The following GRID2 variants were observed in gnomAD, a reference collection of about 807,000 sequenced individuals.
GRID2 encodes glutamate ionotropic receptor delta type subunit 2.
In GRID2, 33 loss-of-function variants were observed where a neutral mutation model predicts 114.8. That is an observed-to-expected ratio of 0.29 (90% CI 0.22 to 0.38). GRID2 has a LOEUF of 0.38. Among genes scored for constraint, GRID2 ranks in the 10% least tolerant of loss-of-function variants. The pLI is 1.00. For synonymous variants in GRID2, 505 were observed against 449.9 expected (o/e 1.12, Z -1.55); for missense variants, 1,184 against 1,257.7 (o/e 0.94, Z 0.89).
In GRID2 at chr4:92,981,804, A is replaced by T. The variant is rs529774194; in HGVS notation, c.245-103191A>T. On this transcript the variant is annotated intron_variant, in intron 2 of 15. Coordinates refer to ENST00000282020, the MANE Select transcript of GRID2 (RefSeq NM_001510.4). ...AATCAATACAATATAGAGACTAATA[A>T]CAAAATGAATAACTTTTTAAAAATT... Among the ~76,000 whole-genome samples the T allele has an allele frequency of 1.8e-3, 273 of 152,052 alleles. 1 individual carries two copies. Among genetic ancestry groups the T allele is most frequent in the African/African-American group, 5.2e-3 (216 of 41,530 alleles).
At chr4:92,345,653 C>T (rs1029784103) in intron 1 of GRID2, among the ~76,000 whole-genome samples, 2 of 152,124 alleles carry the variant, frequency 1.3e-5, no homozygotes, top group African/African-American at 4.8e-5. Context: ...ATGGTAAAGA[C>T]AATTTTGAAA....
At chr4:93,731,750 T>C (rs1034478117) in intron 14 of GRID2, among the ~76,000 whole-genome samples, 1 of 152,140 alleles carries the variant, frequency 6.6e-6, no homozygotes, top group Non-Finnish European at 1.5e-5. Flanking sequence ...CCCTCACTTA[T>C]CTCTTCTCCT....
intron 2 of GRID2, among the ~76,000 whole-genome samples, chr4:92,668,412 C>G (rs976980990): frequency 6.6e-6 from 1 of 151,610 alleles, no homozygotes; most frequent in African/African-American, 2.4e-5. Flanking sequence ...TTTTTATTCT[C>G]TTTATGTACC....
intron 2 of GRID2, among the ~76,000 whole-genome samples, chr4:93,060,577 G>T (rs1438578898): frequency 6.6e-6 from 1 of 152,034 alleles, no homozygotes; most frequent in Admixed American, 6.6e-5. Context: ...TAATTTCACG[G>T]GGCCATAAGT....
At chr4:92,433,747 TC>T (rs1323496827) in intron 1 of GRID2, among the ~76,000 whole-genome samples, 1 of 152,184 alleles carries the variant, frequency 6.6e-6, no homozygotes, top group East Asian at 1.9e-4. Flanking sequence ...AGATAGGTGT[TC>T]CTGTGGGGAG....
At chr4:92,332,742 G>A (rs541675840) in intron 1 of GRID2, among the ~76,000 whole-genome samples, 45 of 152,264 alleles carry the variant, frequency 3.0e-4, no homozygotes, top group Admixed American at 2.3e-3. Context: ...TTTCAAAGGG[G>A]AGAAGCAGGC....
At chr4:93,536,430 G>A (rs977747865) in intron 13 of GRID2, among the ~76,000 whole-genome samples, 11 of 151,664 alleles carry the variant, frequency 7.3e-5, no homozygotes, top group African/African-American at 2.2e-4. Context: ...TTTTTGACAC[G>A]GAAATCAAGA....
chr4:93,304,018 C>G (rs1755150364), intron 8 of GRID2, among the ~76,000 whole-genome samples: 1 of 151,614 alleles, frequency 6.6e-6, no homozygotes, highest in East Asian at 1.9e-4. Context: ...CATTCACCAA[C>G]CTCAGAATTA....
chr4:93,328,384 A>G (rs1032828476), intron 8 of GRID2, among the ~76,000 whole-genome samples: 1 of 152,106 alleles, frequency 6.6e-6, no homozygotes, highest in Non-Finnish European at 1.5e-5. Context: ...AGTCCATTTC[A>G]TCTGGGATAC....
intron 10 of GRID2, among the ~76,000 whole-genome samples, chr4:93,442,688 T>A (rs1402483057): frequency 6.6e-6 from 1 of 151,982 alleles, no homozygotes; most frequent in Non-Finnish European, 1.5e-5. Flanking sequence ...ATACTTCAAC[T>A]TTTGGTGGAC....
chr4:92,614,233 C>T (rs1729892928), intron 2 of GRID2, among the ~76,000 whole-genome samples: 1 of 151,542 alleles, frequency 6.6e-6, no homozygotes, highest in Non-Finnish European at 1.5e-5. Flanking sequence ...CTACTTTATG[C>T]TTCCATGAGA....
chr4:92,755,276 T>G (rs934137206), intron 2 of GRID2, among the ~76,000 whole-genome samples: 1 of 152,198 alleles, frequency 6.6e-6, no homozygotes, highest in Non-Finnish European at 1.5e-5. Flanking sequence ...TCTAAAAAAA[T>G]AACTTTTTTG....
At chr4:93,320,314 T>A (rs950025112) in intron 8 of GRID2, among the ~76,000 whole-genome samples, 2 of 152,046 alleles carry the variant, frequency 1.3e-5, no homozygotes, top group Non-Finnish European at 2.9e-5. Context: ...TAGAGAGTCA[T>A]AAAAGATAAG....
chr4:93,452,843 T>C (rs971266417), intron 10 of GRID2, among the ~76,000 whole-genome samples: 1 of 151,938 alleles, frequency 6.6e-6, no homozygotes, highest in Non-Finnish European at 1.5e-5. Flanking sequence ...TGTTTATTGA[T>C]ATTTAGGAAG....
intron 1 of GRID2, among the ~76,000 whole-genome samples, chr4:92,425,122 A>C (rs1732094586): frequency 6.6e-6 from 1 of 152,186 alleles, no homozygotes; most frequent in East Asian, 1.9e-4. Context: ...TATTTCAAAT[A>C]GTTTAAATAC....
At chr4:93,558,782 A>C (rs1171194289) in intron 13 of GRID2, among the ~76,000 whole-genome samples, 1 of 152,152 alleles carries the variant, frequency 6.6e-6, no homozygotes, top group Non-Finnish European at 1.5e-5. Flanking sequence ...AACACAACAA[A>C]AAAAAGAAAA....
At position 92,728,339 on chromosome 4, in the gene GRID2, T is replaced by C. The variant is rs375119111; in HGVS notation, c.244+138053T>C. ...GGGTCAGAAACCCAGAAACAACTTA[T>C]CTGGGTAAGTCTGATTCAAAGTCTT... On this transcript the variant is annotated intron_variant, in intron 2 of 15. Transcript: ENST00000282020. Among the ~76,000 whole-genome samples the C allele has an allele frequency of 7.7e-4, 117 of 152,212 alleles. 1 individual carries two copies. Among genetic ancestry groups the C allele is most frequent in the Non-Finnish European group, 9.3e-4 (63 of 68,002 alleles).
chr4:93,724,936 T>C (rs1395817271), intron 14 of GRID2, among the ~76,000 whole-genome samples: 1 of 151,786 alleles, frequency 6.6e-6, no homozygotes, highest in Non-Finnish European at 1.5e-5. Context: ...TGCACCACCA[T>C]GCCCAGCTAA....
chr4:92,891,237 C>A (rs1466833966), intron 2 of GRID2, among the ~76,000 whole-genome samples: 1 of 151,904 alleles, frequency 6.6e-6, no homozygotes, highest in Admixed American at 6.6e-5. Context: ...GCACGTTCTG[C>A]ACATATATCC....
Sources: gnomAD v4.1 joint callset for allele counts (sites outside exome capture counted in the v4.1 genomes callset) on GRCh38, gnomAD v4.1.1 for gene constraint, MANE v1.5 for transcripts, NCBI Gene and HGNC (gene_info 2026-07-23, HGNC 2026-07-21) for gene names.